The following TMEM175 variants were observed in gnomAD, a reference collection of about 807,000 sequenced individuals.
The protein encoded by TMEM175 is transmembrane protein 175, also known as endosomal/lysosomal proton channel TMEM175.
A neutral mutation model predicts 36.5 loss-of-function variants in TMEM175; 36 were observed. The observed-to-expected ratio is 0.99, with a 90% CI of 0.76 to 1.30. The LOEUF (loss-of-function observed/expected upper bound fraction) is 1.30. Ranked by LOEUF, TMEM175 falls within the 50% of genes most tolerant of loss-of-function variation. The pLI is 0.00. For missense variants in TMEM175, 705 were observed against 692.8 expected, an observed-to-expected ratio of 1.02 and a Z score of -0.20; for synonymous variants, 339 against 313.4, an observed-to-expected ratio of 1.08 and a Z score of -0.86.
chr4:956,853 A>G, intron 10 of TMEM175: 1 of 206,288 alleles, frequency 4.8e-6, no homozygotes, highest in Admixed American at 5.6e-5. Context: ...CTATGGTTTT[A>G]TATCCTGTAC....
rs781363010 is a variant in TMEM175, at chr4:958,080, C to T, written c.1099C>T (p.Arg367Trp). ...LAYQQTSAFA[R>W]QPRDELERVR... ...CTACCAGCAGACCTCGGCCTTCGCC[C>T]GGCAGCCCCGCGATGAGCTGGAGCG... The change falls in exon 11 of 11, where the codon CGG becomes TGG. Residue 367 changes from arginine to tryptophan, a missense_variant. Physicochemically the swap from Arg to Trp is moderately radical, Grantham distance 101. Coordinates refer to ENST00000264771, the MANE Select transcript of TMEM175 (RefSeq NM_032326.4). The T allele has an allele frequency of 1.2e-5, 20 of 1,608,000 alleles. No homozygotes were observed. Among genetic ancestry groups the T allele is most frequent in the South Asian group, 7.7e-5 (7 of 91,052 alleles).
chr4:947,720 C>G lies in TMEM175; in HGVS notation c.-20C>G, dbSNP rs374656856. ...GCCTTTCCTCCCAGGCTCCTGTAACCGCCAGGCAGCGGCCCCGCCATGTCC... is the reference window on the plus strand; with the variant it reads ...GCCTTTCCTCCCAGGCTCCTGTAACGGCCAGGCAGCGGCCCCGCCATGTCC... On this transcript the variant is annotated 5_prime_UTR_variant, in exon 2 of 11. Transcript: ENST00000264771. 3.8e-6 allele frequency: 6 copies of G among 1,586,194 alleles called. No homozygotes were observed. In the South Asian group the frequency reaches 6.9e-5, roughly 18 times the overall value.
intron 1 of TMEM175, among the ~76,000 whole-genome samples, chr4:944,818 G>A (rs999845994): frequency 3.3e-5 from 5 of 152,074 alleles, no homozygotes; most frequent in Admixed American, 6.6e-5. Flanking sequence ...AAAACACACC[G>A]GGCTGGCTGC....
chr4:955,329 C>A, intron 8 of TMEM175, 76 bp from the exon 9 acceptor site: 1 of 1,197,310 alleles, frequency 8.4e-7, no homozygotes, highest in Non-Finnish European at 1.2e-6. Flanking sequence ...CCTGCTTTGG[C>A]ACACAGCTTT....
chr4:948,307 A>T, intron 3 of TMEM175, 153 bp downstream of exon 3: 1 of 1,552,758 alleles, frequency 6.4e-7, no homozygotes, highest in African/African-American at 1.4e-5. Context: ...TTGGAAAGGG[A>T]GGGAGCCAAC....
chr4:956,274 C>G, intron 10 of TMEM175: 12 of 1,277,660 alleles, frequency 9.4e-6, no homozygotes, highest in Non-Finnish European at 1.2e-5. Context: ...TAGTCCCTCC[C>G]ATTCCCTCCG....
At chr4:948,718 G>A in intron 3 of TMEM175, 1 of 1,147,040 alleles carries the variant, frequency 8.7e-7, no homozygotes, top group Non-Finnish European at 1.1e-6. Context: ...GGCGTCTGGG[G>A]CCCACACCTG....
At chr4:942,142 T>A (rs1727596810) in intron 1 of TMEM175, among the ~76,000 whole-genome samples, 1 of 151,720 alleles carries the variant, frequency 6.6e-6, no homozygotes, top group South Asian at 2.1e-4. Context: ...CACTGCAACC[T>A]CCGCCTCCCG....
At position 950,461 on chromosome 4, in the gene TMEM175, T is replaced by C. The variant is rs142778595; in HGVS notation, c.233T>C (p.Ile78Thr). 1.5e-3 allele frequency: 2,459 copies of C among 1,614,084 alleles called. 32 individuals are homozygous for C. The African/African-American group carries it at 0.029, about 19-fold the overall frequency. ...RSVQRLLATR[I>T]AVYLMTFLIV... ...GTACAGAGGCTTCTGGCAACACGGA[T>C]TGCCGTCTACCTGATGACCTTTCTC... Residue 78 changes from isoleucine to threonine, a missense_variant, in exon 4 of 11, where the codon ATT (isoleucine) becomes ACT (threonine). Physicochemically the swap from Ile to Thr is moderately conservative, Grantham distance 89. Coordinates refer to ENST00000264771, the MANE Select transcript of TMEM175 (RefSeq NM_032326.4).
At chr4:934,582 C>CA (rs982227937) in intron 1 of TMEM175, among the ~76,000 whole-genome samples, 12 of 152,238 alleles carry the variant, frequency 7.9e-5, no homozygotes, top group South Asian at 4.1e-4. Flanking sequence ...GGAGATAACT[C>CA]AAAATGTTTG....
At chr4:950,376 C>A in intron 3 of TMEM175, 45 bp from the exon 4 acceptor site, 1 of 1,457,188 alleles carries the variant, frequency 6.9e-7, no homozygotes, top group Non-Finnish European at 9.6e-7. Flanking sequence ...CATTCAGGGA[C>A]ACTCATGTCA....
chr4:952,187 T>C (rs1728974816), intron 6 of TMEM175, among the ~76,000 whole-genome samples, 180 bp from the exon 7 acceptor site: 2 of 152,158 alleles, frequency 1.3e-5, no homozygotes, highest in Admixed American at 6.5e-5. Flanking sequence ...GTGGAGTTGG[T>C]TGGGGTGGGG....
Position 958,415 on chromosome 4 carries a change from C to T in TMEM175, c.1434C>T (p.Gly478=). 5 of 1,597,780 alleles carry T rather than the reference C, an allele frequency of 3.1e-6. No individual in the cohort carries two copies. Among genetic ancestry groups the T allele is most frequent in the Non-Finnish European group, 3.4e-6 (4 of 1,178,106 alleles). Residue 478 remains glycine (G), a synonymous_variant, in exon 11 of 11, where the codon GGC becomes GGT. Transcript: ENST00000264771. ...TGGCCACCCTGCGGGTCCTGCGGGG[C>T]CTCGCCCGGCCCGAACACCCCCCGC... ...LALATLRVLR[G]LARPEHPPPA...
intron 1 of TMEM175, among the ~76,000 whole-genome samples, chr4:936,986 A>G (rs1163298882): frequency 6.6e-6 from 1 of 152,106 alleles, no homozygotes; most frequent in East Asian, 1.9e-4. Flanking sequence ...TGTTGTATGA[A>G]AGGATGAAAG....
intron 8 of TMEM175, among the ~76,000 whole-genome samples, 200 bp downstream of exon 8, chr4:953,554 C>T (rs1729236071): frequency 6.6e-6 from 1 of 152,216 alleles, no homozygotes; most frequent in African/African-American, 2.4e-5. Context: ...GCCCCGAGAC[C>T]CAGCCTGTCG....
intron 10 of TMEM175, chr4:956,945 G>T: frequency 6.1e-6 from 1 of 163,928 alleles, no homozygotes; most frequent in South Asian, 1.6e-4. Flanking sequence ...AACGTTCATT[G>T]GCATCTGATC....
rs201314478 is a variant in TMEM175, at chr4:958,422, C to T, written c.1441C>T (p.Arg481Trp). 2.3e-3 allele frequency: 3,701 copies of T among 1,596,432 alleles called. 10 individuals are homozygous for T. The highest frequency in any genetic ancestry group is 3.7e-3 in the Admixed American group (218 of 59,600). ...CCTGCGGGTCCTGCGGGGCCTCGCC[C>T]GGCCCGAACACCCCCCGCCAGCCCC... ...ATLRVLRGLA[R>W]PEHPPPAPTG... The change falls in exon 11 of 11, where the codon CGG (arginine) becomes TGG (tryptophan). Residue 481 changes from arginine (R) to tryptophan (W), a missense_variant. Arg to Trp is a moderately radical substitution (Grantham distance 101). Transcript: ENST00000264771.
At chr4:952,985 A>C (rs1473540894) in intron 7 of TMEM175, among the ~76,000 whole-genome samples, 1 of 151,704 alleles carries the variant, frequency 6.6e-6, no homozygotes, top group Non-Finnish European at 1.5e-5. Context: ...CCCTGTGCCC[A>C]AAGTGTCCCA....
rs758032940 is a variant in TMEM175 at position 958,461 on chromosome 4, G to A, written c.1480G>A (p.Asp494Asn). Residue 494 changes from aspartate to asparagine, a missense_variant, in exon 11 of 11, where the codon GAC becomes AAC. Asp to Asn is a conservative substitution (Grantham distance 23). Transcript: ENST00000264771. ...HPPPAPTGQD[D>N]PQSQLLPAPC ...CCCGCCAGCCCCCACGGGCCAGGACGACCCACAGTCCCAGCTCCTCCCTGC... is the reference window on the plus strand; with the variant it reads ...CCCGCCAGCCCCCACGGGCCAGGACAACCCACAGTCCCAGCTCCTCCCTGC... 26 of 1,574,222 alleles carry A rather than the reference G, an allele frequency of 1.7e-5. 1 individual carries two copies. Among genetic ancestry groups the A allele is most frequent in the African/African-American group, 1.3e-4 (10 of 74,290 alleles).
Sources: allele counts gnomAD v4.1 joint callset (sites outside exome capture counted in the v4.1 genomes callset), GRCh38; gene constraint gnomAD v4.1.1; transcripts MANE v1.5; gene names NCBI Gene and HGNC (gene_info 2026-07-23, HGNC 2026-07-21).